Variants in SLC13A1 observed in about 807,000 individuals in gnomAD.
The protein encoded by SLC13A1 is Na(+)/sulfate cotransporter.
In SLC13A1, 65 loss-of-function variants were observed where a neutral mutation model predicts 70.0. That is an observed-to-expected ratio of 0.93 (90% CI 0.76 to 1.14). SLC13A1 has a LOEUF of 1.14. SLC13A1 is among the 50% of genes most tolerant of loss of function. SLC13A1 has a pLI of 0.00. For synonymous variants in SLC13A1, 275 were observed against 250.5 expected (o/e 1.10, Z -0.92); for missense variants, 726 against 717.8 (o/e 1.01, Z -0.13).
chr7:123,140,831 C>T (rs1284910651), intron 7 of SLC13A1, among the ~76,000 whole-genome samples: 1 of 151,946 alleles, frequency 6.6e-6, no homozygotes, highest in Non-Finnish European at 1.5e-5. Flanking sequence ...CTTAGTCTGG[C>T]TAAAGATTTG....
At chr7:123,125,775 C>A (rs1402348110) in intron 10 of SLC13A1, 100 bp from the exon 11 acceptor site, 70 of 799,462 alleles carry the variant, frequency 8.8e-5, no homozygotes, top group Non-Finnish European at 4.9e-5. Flanking sequence ...AGGTTATTAT[C>A]AGTAGTAGGT....
intron 6 of SLC13A1, among the ~76,000 whole-genome samples, chr7:123,147,812 C>T (rs566892161): frequency 6.6e-6 from 1 of 152,214 alleles, no homozygotes; most frequent in African/African-American, 2.4e-5. Context: ...ATTTTAAAAA[C>T]CCAATTTCAT....
At chr7:123,142,660 G>C (rs866634075) in intron 7 of SLC13A1, among the ~76,000 whole-genome samples, 5 of 132,676 alleles carry the variant, frequency 3.8e-5, no homozygotes, top group South Asian at 2.4e-4. Flanking sequence ...TTTTTTGATG[G>C]AGGCTGGAGT....
At chr7:123,133,168 T>C (rs907837465) in intron 8 of SLC13A1, among the ~76,000 whole-genome samples, 1 of 152,196 alleles carries the variant, frequency 6.6e-6, no homozygotes, top group African/African-American at 2.4e-5. Flanking sequence ...ACACTGAGAC[T>C]GAGAATGGGT....
At chr7:123,165,870 T>C (rs1252979081) in intron 6 of SLC13A1, among the ~76,000 whole-genome samples, 1 of 152,192 alleles carries the variant, frequency 6.6e-6, no homozygotes, top group East Asian at 1.9e-4. Flanking sequence ...CACTCATTCA[T>C]TAATTGATAA....
intron 2 of SLC13A1, among the ~76,000 whole-genome samples, chr7:123,177,285 T>A (rs1312336153): frequency 6.6e-6 from 1 of 152,162 alleles, no homozygotes; most frequent in Non-Finnish European, 1.5e-5. Flanking sequence ...CTTCAAATTT[T>A]ATCAGCAATA....
intron 1 of SLC13A1, among the ~76,000 whole-genome samples, chr7:123,196,704 G>A (rs146655294): frequency 0.01 from 1,535 of 152,058 alleles, 13 homozygotes; most frequent in Non-Finnish European, 0.017. Flanking sequence ...ATGACATTGC[G>A]TACCATAAGG....
intron 2 of SLC13A1, among the ~76,000 whole-genome samples, chr7:123,175,441 C>T (rs895882698): frequency 4.6e-5 from 7 of 152,086 alleles, no homozygotes; most frequent in Admixed American, 3.3e-4. Flanking sequence ...GTGGTCTAAA[C>T]GTTGGTGTCC....
At chr7:123,124,751 T>G (rs897555571) in intron 11 of SLC13A1, among the ~76,000 whole-genome samples, 1 of 152,112 alleles carries the variant, frequency 6.6e-6, no homozygotes, top group African/African-American at 2.4e-5. Flanking sequence ...ACTTCTTTGT[T>G]CATGTGTTGT....
intron 7 of SLC13A1, among the ~76,000 whole-genome samples, chr7:123,144,755 C>T (rs117637611): frequency 0.022 from 3,311 of 152,222 alleles, 73 homozygotes; most frequent in Non-Finnish European, 0.03. Context: ...AAGGTTGACT[C>T]TTAGGAAGAG....
At chr7:123,147,941 A>G (rs538595302) in intron 6 of SLC13A1, among the ~76,000 whole-genome samples, 1 of 152,214 alleles carries the variant, frequency 6.6e-6, no homozygotes, top group South Asian at 2.1e-4. Flanking sequence ...TACATACTCA[A>G]TAAGTCCCTA....
chr7:123,140,657 T>A (rs1794104794), intron 7 of SLC13A1, among the ~76,000 whole-genome samples: 1 of 152,088 alleles, frequency 6.6e-6, no homozygotes, highest in Admixed American at 6.5e-5. Flanking sequence ...TCTTGGTAGA[T>A]TGTACATGGC....
At position 123,119,106 on chromosome 7, in the gene SLC13A1, AGT is replaced by A. The variant is rs1360316822; in HGVS notation, c.1485_1486del (p.Phe497SerfsTer52). 6.2e-7 allele frequency: 1 copy of A among 1,612,446 alleles called. No individual in the cohort carries two copies. Among genetic ancestry groups the A allele is most frequent in the Non-Finnish European group, 8.5e-7 (1 of 1,179,148 alleles). ...CAATGGAGATAATATTGGGAGAAAG[AGT>A]GTAATGGTAGCTGGATTGCTGGCTA... On this transcript the variant is annotated frameshift_variant, in exon 13 of 15. Transcript: ENST00000194130. LOFTEE classifies it high-confidence loss of function.
rs1468297141 is a variant in SLC13A1, at chr7:123,123,167, T to C, written c.1309A>G (p.Ile437Val). The C allele has an allele frequency of 3.7e-6, 6 of 1,613,512 alleles. No individual in the cohort carries two copies. Among genetic ancestry groups the C allele is most frequent in the African/African-American group, 1.3e-5 (1 of 74,902 alleles). ...AGGGCAAACCCTCCACCAACAAGAA[T>C]GGCTATATCCCAGGGCATGAATGAC... is the stretch of plus-strand genomic sequence containing the variant. The part of the protein sequence containing the change: ...FQSFMPWDIA[I>V]LVGGGFALAD... Residue 437 changes from isoleucine (I) to valine (V), a missense_variant, in exon 12 of 15, where the codon ATT becomes GTT. Physicochemically the swap from Ile to Val is conservative, Grantham distance 29 (BLOSUM62 3). Transcript: ENST00000194130.
At chr7:123,160,696 G>A (rs781772018) in intron 6 of SLC13A1, among the ~76,000 whole-genome samples, 24 of 152,148 alleles carry the variant, frequency 1.6e-4, no homozygotes, top group Non-Finnish European at 2.6e-4. Context: ...GTGCTAGTCC[G>A]AAAAGCTGCT....
chr7:123,140,859 T>C (rs903358054), intron 7 of SLC13A1, among the ~76,000 whole-genome samples: 1 of 152,122 alleles, frequency 6.6e-6, no homozygotes. Context: ...TGTTTAACTT[T>C]TTAAAAAAAG....
intron 7 of SLC13A1, among the ~76,000 whole-genome samples, chr7:123,139,753 T>A (rs1194740221): frequency 6.6e-6 from 1 of 152,148 alleles, no homozygotes; most frequent in Non-Finnish European, 1.5e-5. Flanking sequence ...GATTTTTGTT[T>A]GTTGATTTTA....
intron 7 of SLC13A1, among the ~76,000 whole-genome samples, chr7:123,138,672 G>T (rs1585314991): frequency 6.6e-6 from 1 of 152,230 alleles, no homozygotes. Flanking sequence ...GATGATCAGT[G>T]ATGTTGCATG....
chr7:123,190,517 C>G (rs370300948), intron 1 of SLC13A1: 1 of 456,030 alleles, frequency 2.2e-6, no homozygotes, highest in South Asian at 1.6e-5. Context: ...AGACTGGTCA[C>G]TGGACGGAGG....
Sources: allele counts gnomAD v4.1 joint callset (sites outside exome capture counted in the v4.1 genomes callset), GRCh38; gene constraint gnomAD v4.1.1; transcripts MANE v1.5; gene names NCBI Gene and HGNC (gene_info 2026-07-23, HGNC 2026-07-21).